Variants in MAMLD1 observed in about 807,000 individuals in gnomAD.
The protein encoded by MAMLD1 is mastermind-like domain-containing protein 1.
A neutral mutation model predicts 45.0 loss-of-function variants in MAMLD1; 14 were observed. That is an observed-to-expected ratio of 0.31 (90% confidence interval 0.21 to 0.49). MAMLD1 has a LOEUF of 0.49. Among genes scored for constraint, MAMLD1 ranks in the 20% least tolerant of loss-of-function variants. The pLI, the probability that MAMLD1 is intolerant of heterozygous loss-of-function variation, is 0.99. For missense variants in MAMLD1, 543 were observed against 603.6 expected, an observed-to-expected ratio of 0.90 and a Z score of 1.05; for synonymous variants, 254 against 247.8, an observed-to-expected ratio of 1.02 and a Z score of -0.24.
chrX:150,374,862 T>G (rs906781249), intron 1 of MAMLD1, among the ~76,000 whole-genome samples: 6 of 111,174 alleles, frequency 5.4e-5, no homozygotes, highest in South Asian at 3.8e-4. Context: ...ACACCGGGCA[T>G]GAGAAGGTAA....
At chrX:150,369,709 T>C (rs782428968) in intron 1 of MAMLD1, among the ~76,000 whole-genome samples, 1 of 112,178 alleles carries the variant, frequency 8.9e-6, no homozygotes, top group South Asian at 3.7e-4. Context: ...TCATCTAATG[T>C]AGAGCAGATT....
At chrX:150,469,050 C>T (rs1273900090) in intron 3 of MAMLD1, among the ~76,000 whole-genome samples, 1 of 109,518 alleles carries the variant, frequency 9.1e-6, no homozygotes, top group Non-Finnish European at 1.9e-5. Context: ...AATGACTGTT[C>T]TGAAACTTGT....
chrX:150,512,985 TCGA>T lies in MAMLD1; in HGVS notation c.*1031_*1033del, dbSNP rs1557409309. ...GACTGGGTGTGCAACTTGAGGCTGA[TCGA>T]CGACATTTTGGAACAGCATGCTGCT... On this transcript the variant is annotated 3_prime_UTR_variant, in exon 8 of 8. Coordinates refer to ENST00000370401, the MANE Select transcript of MAMLD1 (RefSeq NM_005491.5). 2 of 1,154,105 alleles carry T rather than the reference TCGA, an allele frequency of 1.7e-6. No individual in the cohort carries two copies. Among genetic ancestry groups the T allele is most frequent in the East Asian group, 3.3e-5 (1 of 30,719 alleles).
At chrX:150,449,241 A>AG (rs113915222) in intron 2 of MAMLD1, among the ~76,000 whole-genome samples, 3,174 of 111,229 alleles carry the variant, frequency 0.029, 110 homozygotes, top group African/African-American at 0.097. Context: ...TGCTACATCA[A>AG]GGTCCACATT....
intron 5 of MAMLD1, among the ~76,000 whole-genome samples, chrX:150,501,738 G>A (rs1014645161): frequency 4.5e-5 from 5 of 111,931 alleles, no homozygotes; most frequent in African/African-American, 1.6e-4. Flanking sequence ...AAATTTGTCC[G>A]GAGGTCCACA....
Position 150,470,292 on chromosome X carries a change from C to A in MAMLD1, c.719C>A (p.Ala240Asp). The A allele has an allele frequency of 8.3e-7, 1 of 1,208,726 alleles. No homozygotes were observed. Among genetic ancestry groups the A allele is most frequent in the Non-Finnish European group, 1.1e-6 (1 of 893,357 alleles). Residue 240 changes from alanine to aspartate, a missense_variant, in exon 4 of 8, where the codon GCT (alanine) becomes GAT (aspartate). Physicochemically the swap from Ala to Asp is moderately radical, Grantham distance 126. Transcript: ENST00000370401. ...LESLASSKEFASSCSQVTGMS... is the reference protein window; with the variant it reads ...LESLASSKEFDSSCSQVTGMS... ...AGCCTGGCTTCCAGCAAGGAGTTTG[C>A]TTCTAGTTGCAGCCAAGTTACTGGC...
chrX:150,447,270 C>T (rs1313364227), intron 2 of MAMLD1, among the ~76,000 whole-genome samples: 1 of 112,473 alleles, frequency 8.9e-6, no homozygotes, highest in African/African-American at 3.2e-5. Context: ...AGCCCTCTGC[C>T]TCCTCTATGC....
chrX:150,493,411 A>G (rs1159031369), intron 5 of MAMLD1, among the ~76,000 whole-genome samples: 1 of 112,437 alleles, frequency 8.9e-6, no homozygotes, highest in Non-Finnish European at 1.9e-5. Context: ...ACATAGCACC[A>G]TATTTTCTAC....
intron 1 of MAMLD1, among the ~76,000 whole-genome samples, chrX:150,370,069 G>A (rs2031842520): frequency 1.8e-5 from 2 of 108,452 alleles, no homozygotes; most frequent in African/African-American, 6.7e-5. Context: ...AAGCAGAAAA[G>A]GCTGAGTGTT....
chrX:150,505,060 G>A (rs1481811967), intron 6 of MAMLD1: 1 of 752,382 alleles, frequency 1.3e-6, no homozygotes, highest in Non-Finnish European at 1.6e-6. Context: ...AGAGTTTGCA[G>A]CAGTCATAGA....
At chrX:150,506,806 G>T (rs1392941720) in intron 6 of MAMLD1, among the ~76,000 whole-genome samples, 1 of 112,542 alleles carries the variant, frequency 8.9e-6, no homozygotes, top group Non-Finnish European at 1.9e-5. Flanking sequence ...GTGCCAGCAG[G>T]CAGTGGTGGA....
At chrX:150,458,935 G>A (rs141999955) in intron 2 of MAMLD1, among the ~76,000 whole-genome samples, 111 of 112,214 alleles carry the variant, frequency 9.9e-4, no homozygotes, top group African/African-American at 3.5e-3. Flanking sequence ...GCAATCTAAT[G>A]TACAGCACTG....
At chrX:150,510,142 C>T (rs962061217) in intron 7 of MAMLD1, 96 bp downstream of exon 7, 9 of 540,695 alleles carry the variant, frequency 1.7e-5, no homozygotes, top group Non-Finnish European at 2.5e-5. Context: ...AGTTACTGTG[C>T]TTCTGAAAGC....
At chrX:150,451,213 A>G (rs2035653087) in intron 2 of MAMLD1, among the ~76,000 whole-genome samples, 1 of 112,166 alleles carries the variant, frequency 8.9e-6, no homozygotes, top group South Asian at 3.7e-4. Flanking sequence ...GCCTATTTCT[A>G]AACTTTTAGG....
intron 2 of MAMLD1, among the ~76,000 whole-genome samples, chrX:150,446,544 T>G (rs1316878809): frequency 1.8e-5 from 2 of 112,617 alleles, no homozygotes; most frequent in African/African-American, 6.5e-5. Context: ...TGGATGGAGG[T>G]GATTGAAATC....
chrX:150,409,676 C>T (rs2034078309), intron 1 of MAMLD1, among the ~76,000 whole-genome samples: 1 of 111,850 alleles, frequency 8.9e-6, no homozygotes, highest in African/African-American at 3.3e-5. Context: ...AGTCCACACT[C>T]ATCCTTTCCT....
chrX:150,491,804 A>G (rs1226418075), intron 5 of MAMLD1, among the ~76,000 whole-genome samples: 1 of 111,878 alleles, frequency 8.9e-6, no homozygotes, highest in Non-Finnish European at 1.9e-5. Context: ...TCAGAGAATG[A>G]GGTGGAGAGA....
chrX:150,486,696 T>C (rs1185190763), intron 5 of MAMLD1, among the ~76,000 whole-genome samples: 1 of 111,970 alleles, frequency 8.9e-6, no homozygotes, highest in Non-Finnish European at 1.9e-5. Context: ...CCCTAGGTGA[T>C]GTGTCATCCT....
chrX:150,481,118 A>G (rs1244844446), intron 5 of MAMLD1, among the ~76,000 whole-genome samples: 1 of 113,036 alleles, frequency 8.8e-6, no homozygotes, highest in Non-Finnish European at 1.9e-5. Flanking sequence ...ATTGTGATTA[A>G]TGATCATTTA....
Sources: gnomAD v4.1 joint callset for allele counts (sites outside exome capture counted in the v4.1 genomes callset) on GRCh38, gnomAD v4.1.1 for gene constraint, MANE v1.5 for transcripts, NCBI Gene and HGNC (gene_info 2026-07-23, HGNC 2026-07-21) for gene names.